The following TAFA1 variants were observed in gnomAD, a reference collection of about 807,000 sequenced individuals.
TAFA1 encodes the protein chemokine-like protein TAFA-1.
A neutral mutation model predicts 18.5 loss-of-function variants in TAFA1; 4 were observed. The observed-to-expected ratio is 0.22, with a 90% CI of 0.11 to 0.49. The LOEUF (loss-of-function observed/expected upper bound fraction) is 0.49. Among genes scored for constraint, TAFA1 ranks in the 20% least tolerant of loss-of-function variants. The pLI, the probability that TAFA1 is intolerant of heterozygous loss-of-function variation, is 0.98. For synonymous variants in TAFA1, 56 were observed against 55.2 expected (o/e 1.01, Z -0.06); for missense variants, 147 against 169.0 (o/e 0.87, Z 0.72).
intron 2 of TAFA1, among the ~76,000 whole-genome samples, chr3:68,343,693 C>A (rs974707852): frequency 2.6e-5 from 4 of 152,110 alleles, no homozygotes; most frequent in Non-Finnish European, 1.5e-5. Context: ...CACTTGTTGC[C>A]ACATATTTTT....
intron 2 of TAFA1, among the ~76,000 whole-genome samples, chr3:68,316,556 A>G (rs1392547121): frequency 6.6e-6 from 1 of 152,122 alleles, no homozygotes; most frequent in Non-Finnish European, 1.5e-5. Context: ...ATCTCCTTTC[A>G]GACAAAGGAA....
chr3:68,126,627 T>G (rs2065468012), intron 2 of TAFA1, among the ~76,000 whole-genome samples: 1 of 152,228 alleles, frequency 6.6e-6, no homozygotes, highest in Non-Finnish European at 1.5e-5. Context: ...GGACAATAGA[T>G]GAGGGTGAAC....
At chr3:68,335,327 G>A (rs1169099173) in intron 2 of TAFA1, among the ~76,000 whole-genome samples, 1 of 152,148 alleles carries the variant, frequency 6.6e-6, no homozygotes, top group African/African-American at 2.4e-5. Context: ...AGAATATCAT[G>A]TCTATTATTT....
At chr3:68,338,784 T>A (rs1216825961) in intron 2 of TAFA1, among the ~76,000 whole-genome samples, 1 of 152,246 alleles carries the variant, frequency 6.6e-6, no homozygotes, top group Non-Finnish European at 1.5e-5. Flanking sequence ...GCTACCATAC[T>A]GCTGTATAAC....
intron 2 of TAFA1, among the ~76,000 whole-genome samples, chr3:68,266,840 T>C (rs914208275): frequency 2.0e-5 from 3 of 152,292 alleles, no homozygotes; most frequent in African/African-American, 7.2e-5. Context: ...GCGATAAGTA[T>C]GTGGTTTTAA....
At chr3:68,098,434 AG>A (rs2065112357) in intron 2 of TAFA1, among the ~76,000 whole-genome samples, 1 of 152,136 alleles carries the variant, frequency 6.6e-6, no homozygotes, top group Non-Finnish European at 1.5e-5. Flanking sequence ...AAATATATAA[AG>A]GCATTAACTT....
chr3:68,027,744 GGAAACTTT>G (rs1704846185), intron 2 of TAFA1, among the ~76,000 whole-genome samples: 1 of 151,930 alleles, frequency 6.6e-6, no homozygotes. Flanking sequence ...CCATCTTCTT[GGAAACTTT>G]GAAAATGTCA....
At chr3:68,117,234 G>A (rs938977909) in intron 2 of TAFA1, among the ~76,000 whole-genome samples, 3 of 152,084 alleles carry the variant, frequency 2.0e-5, no homozygotes, top group Admixed American at 1.3e-4. Flanking sequence ...TGGGGTTTTG[G>A]TTATGCTAAA....
intron 2 of TAFA1, among the ~76,000 whole-genome samples, chr3:68,110,039 C>G (rs1287728408): frequency 6.6e-6 from 1 of 152,034 alleles, no homozygotes; most frequent in East Asian, 1.9e-4. Context: ...CATAGGTAAA[C>G]GTGTGCCATG....
At chr3:68,109,091 C>T (rs2065235868) in intron 2 of TAFA1, among the ~76,000 whole-genome samples, 1 of 151,782 alleles carries the variant, frequency 6.6e-6, no homozygotes, top group African/African-American at 2.4e-5. Flanking sequence ...TAAAGTTTTT[C>T]TCTATTATGG....
intron 2 of TAFA1, among the ~76,000 whole-genome samples, chr3:68,238,113 T>C (rs1169987052): frequency 6.6e-6 from 1 of 152,194 alleles, no homozygotes; most frequent in Non-Finnish European, 1.5e-5. Flanking sequence ...ACCATGGTAA[T>C]GTTCGCTTCA....
In TAFA1 at chr3:68,142,640, G is replaced by A. The variant is rs191154576; in HGVS notation, c.118+135896G>A. Among the ~76,000 whole-genome samples, 3 of 152,250 alleles carry A rather than the reference G, an allele frequency of 2.0e-5. No individual in the cohort carries two copies. In the East Asian group the frequency reaches 5.8e-4, roughly 29 times the overall value. On this transcript the variant is annotated intron_variant, in intron 2 of 4. Coordinates refer to ENST00000478136, the MANE Select transcript of TAFA1 (RefSeq NM_213609.4). The stretch of plus-strand genomic sequence containing the variant: ...TTGGCAAAACCTCCTACTCTAACAG[G>A]GTGGGCTAAAGAAGTTCCTGTTAAA...
At chr3:68,110,040 G>A (rs1202541348) in intron 2 of TAFA1, among the ~76,000 whole-genome samples, 1 of 152,056 alleles carries the variant, frequency 6.6e-6, no homozygotes, top group Non-Finnish European at 1.5e-5. Flanking sequence ...ATAGGTAAAC[G>A]TGTGCCATGG....
chr3:68,035,754 T>C (rs537690579), intron 2 of TAFA1, among the ~76,000 whole-genome samples: 2 of 152,290 alleles, frequency 1.3e-5, no homozygotes, highest in Admixed American at 6.5e-5. Flanking sequence ...CGCTATTCAA[T>C]CACTAGGAAC....
intron 2 of TAFA1, among the ~76,000 whole-genome samples, chr3:68,332,110 G>T (rs1033872416): frequency 2.6e-5 from 4 of 151,626 alleles, no homozygotes; most frequent in Non-Finnish European, 5.9e-5. Flanking sequence ...TGATCCGCCC[G>T]CCTCGGCCTC....
At chr3:68,081,166 G>A (rs1044781348) in intron 2 of TAFA1, among the ~76,000 whole-genome samples, 38 of 152,212 alleles carry the variant, frequency 2.5e-4, no homozygotes, top group African/African-American at 8.9e-4. Context: ...ATCTCCATCA[G>A]CTCCTTTAAG....
intron 3 of TAFA1, among the ~76,000 whole-genome samples, chr3:68,418,591 G>C (rs562549664): frequency 2.0e-5 from 3 of 148,466 alleles, no homozygotes; most frequent in Admixed American, 1.4e-4. Flanking sequence ...GGGTGTGTAC[G>C]TGCAAGTCAC....
At chr3:68,398,089 A>T (rs77560965) in intron 2 of TAFA1, among the ~76,000 whole-genome samples, 16 of 151,626 alleles carry the variant, frequency 1.1e-4, no homozygotes, top group Non-Finnish European at 2.1e-4. Flanking sequence ...CATATGGAAT[A>T]AAAAAAAGAG....
At chr3:68,420,912 G>T (rs17047679) in intron 3 of TAFA1, among the ~76,000 whole-genome samples, 1 of 152,164 alleles carries the variant, frequency 6.6e-6, no homozygotes, top group Non-Finnish European at 1.5e-5. Context: ...CTCTCTTAAA[G>T]AAGAAACTCT....
Sources: allele counts gnomAD v4.1 joint callset (sites outside exome capture counted in the v4.1 genomes callset), GRCh38; gene constraint gnomAD v4.1.1; transcripts MANE v1.5; gene names NCBI Gene and HGNC (gene_info 2026-07-23, HGNC 2026-07-21).